The following SLC29A4 variants were observed in gnomAD, a reference collection of about 807,000 sequenced individuals.
SLC29A4 encodes equilibrative nucleoside transporter 4.
In SLC29A4, 36 loss-of-function variants were observed where a neutral mutation model predicts 43.9. The observed-to-expected ratio is 0.82, with a 90% CI of 0.63 to 1.08. The LOEUF (loss-of-function observed/expected upper bound fraction) is 1.08, where lower values mean the gene tolerates loss of function less well. Ranked by LOEUF, SLC29A4 falls within the 50% of genes least tolerant of loss-of-function variation. SLC29A4 has a pLI of 0.00. For synonymous variants in SLC29A4, 491 were observed against 338.0 expected (o/e 1.45, Z -4.97); for missense variants, 869 against 755.3 (o/e 1.15, Z -1.77).
At chr7:5,299,791 C>T (rs1449010203) in intron 9 of SLC29A4, among the ~76,000 whole-genome samples, 1 of 152,256 alleles carries the variant, frequency 6.6e-6, no homozygotes. Context: ...TGGCTTATGC[C>T]TGTAATCCTA....
At chr7:5,301,870 T>G (rs1209750130) in intron 10 of SLC29A4, among the ~76,000 whole-genome samples, 1 of 152,032 alleles carries the variant, frequency 6.6e-6, no homozygotes, top group African/African-American at 2.4e-5. Flanking sequence ...TGGGGTTGGG[T>G]TTGGGACTTG....
intron 8 of SLC29A4, 45 bp from the exon 9 acceptor site, chr7:5,299,195 G>C (rs778543534): frequency 1.3e-6 from 2 of 1,598,572 alleles, no homozygotes; most frequent in East Asian, 4.5e-5. Flanking sequence ...GGCAGGCAGG[G>C]GTCCCCGTGG....
At position 5,284,387 on chromosome 7, in the gene SLC29A4, C is replaced by A. The variant is rs1294064837; in HGVS notation, c.-9+1305C>A. Among the ~76,000 whole-genome samples, 3 of 152,184 alleles carry A rather than the reference C, an allele frequency of 2.0e-5. No individual in the cohort carries two copies. The East Asian group carries it at 5.8e-4, about 29-fold the overall frequency. On this transcript the variant is annotated intron_variant, in intron 1 of 10. Transcript: ENST00000396872. ...AGTCCCTGTTTGTGACGTACTCTCACCCTCTTCTTCCTCTACTGAGTTGTG... is the reference window on the plus strand; with the variant it reads ...AGTCCCTGTTTGTGACGTACTCTCAACCTCTTCTTCCTCTACTGAGTTGTG...
In SLC29A4 at chr7:5,299,060, G is replaced by A. The variant is rs138638344; in HGVS notation, c.955G>A (p.Gly319Ser). ...DSPAHEVTGS[G>S]GAYMRFDVPR... ...CCCAGCCCACGAGGTGACCGGCAGC[G>A]GCGGGGCCTACATGCGCTTTGATGT... The change falls in exon 8 of 11, where the codon GGC (glycine) becomes AGC (serine). Residue 319 changes from glycine to serine, a missense_variant. Coordinates refer to ENST00000396872, the MANE Select transcript of SLC29A4 (RefSeq NM_153247.4). 1,157 of 1,611,410 alleles carry A rather than the reference G, an allele frequency of 7.2e-4. 1 individual carries two copies. The highest frequency in any genetic ancestry group is 2.7e-3 in the Middle Eastern group (16 of 5,986).
intron 7 of SLC29A4, among the ~76,000 whole-genome samples, chr7:5,298,269 A>G (rs1323193166): frequency 6.6e-6 from 1 of 152,140 alleles, no homozygotes; most frequent in South Asian, 2.1e-4. Context: ...CGTCCCTCTC[A>G]TGGTCAGGGA....
At chr7:5,291,389 C>T (rs541145747) in intron 4 of SLC29A4, 152 bp downstream of exon 4, 22 of 811,854 alleles carry the variant, frequency 2.7e-5, no homozygotes, top group East Asian at 1.9e-4. Context: ...TGTAAGACAC[C>T]GTGGTGGGGC....
intron 10 of SLC29A4, among the ~76,000 whole-genome samples, chr7:5,302,413 C>T (rs1583685959): frequency 6.6e-6 from 1 of 152,192 alleles, no homozygotes; most frequent in Non-Finnish European, 1.5e-5. Flanking sequence ...CACGGTGGTG[C>T]ATGCCTGTGG....
intron 6 of SLC29A4, 131 bp from the exon 7 acceptor site, chr7:5,296,805 G>C: frequency 9.4e-7 from 1 of 1,058,350 alleles, no homozygotes; most frequent in East Asian, 3.0e-5. Context: ...GGGCCTGTGG[G>C]TGGGGGCAGG....
At chr7:5,294,127 G>A (rs1355464157) in intron 5 of SLC29A4, among the ~76,000 whole-genome samples, 1 of 151,696 alleles carries the variant, frequency 6.6e-6, no homozygotes, top group Non-Finnish European at 1.5e-5. Flanking sequence ...AAATTGTAAA[G>A]ACAAGATCTC....
At chr7:5,295,643 C>G (rs1785598914) in intron 6 of SLC29A4, among the ~76,000 whole-genome samples, 1 of 152,194 alleles carries the variant, frequency 6.6e-6, no homozygotes. Context: ...GGGGTCAGTG[C>G]TGCCCAGGCA....
Position 5,297,094 on chromosome 7 carries a change from T to A in SLC29A4, c.778T>A (p.Phe260Ile). The change falls in exon 7 of 11, where the codon TTC (phenylalanine) becomes ATC (isoleucine). Residue 260 changes from phenylalanine to isoleucine, a missense_variant. Coordinates refer to ENST00000396872, the MANE Select transcript of SLC29A4 (RefSeq NM_153247.4). The stretch of plus-strand genomic sequence containing the variant: ...AGTGCGGCGCAGCCGCTTCGTGCTC[T>A]TCTATACCACACGGCCGCGTGACAG... ...LLVRRSRFVL[F>I]YTTRPRDSHR... is the part of the protein sequence containing the mutation. 7.5e-6 allele frequency: 12 copies of A among 1,607,932 alleles called. No homozygotes were observed. Among genetic ancestry groups the A allele is most frequent in the Non-Finnish European group, 1.0e-5 (12 of 1,179,758 alleles).
At chr7:5,295,009 C>G (rs1785556933) in intron 6 of SLC29A4, 75 bp downstream of exon 6, 3 of 1,287,696 alleles carry the variant, frequency 2.3e-6, no homozygotes, top group Non-Finnish European at 3.2e-6. Flanking sequence ...CCAGGGACTC[C>G]CCATGATGCT....
At chr7:5,288,614 T>C (rs1785111582) in intron 2 of SLC29A4, among the ~76,000 whole-genome samples, 1 of 151,978 alleles carries the variant, frequency 6.6e-6, no homozygotes, top group African/African-American at 2.4e-5. Flanking sequence ...AGCTTCTATC[T>C]GGAGTGACAC....
intron 10 of SLC29A4, among the ~76,000 whole-genome samples, chr7:5,301,335 A>T (rs180732605): frequency 3.3e-5 from 5 of 152,054 alleles, no homozygotes; most frequent in Admixed American, 3.3e-4. Context: ...AAAATAAAGC[A>T]GAGAAACAGG....
intron 4 of SLC29A4, 35 bp from the exon 5 acceptor site, chr7:5,291,658 T>C (rs756173782): frequency 1.3e-6 from 2 of 1,555,392 alleles, no homozygotes; most frequent in Admixed American, 3.6e-5. Flanking sequence ...CCCAGTTGGC[T>C]CCACCACTCC....
chr7:5,287,316 G>A (rs1218187414), intron 1 of SLC29A4, among the ~76,000 whole-genome samples: 3 of 151,970 alleles, frequency 2.0e-5, no homozygotes, highest in Admixed American at 6.6e-5. Context: ...TACTTGGGAG[G>A]CTGAATCAGG....
In SLC29A4 at chr7:5,294,865, C is replaced by T; in HGVS notation, c.550C>T (p.Gln184Ter). 1 of 1,612,332 alleles carries T rather than the reference C, an allele frequency of 6.2e-7. No individual in the cohort carries two copies. The highest frequency in any genetic ancestry group is 8.5e-7 in the Non-Finnish European group (1 of 1,179,716). Reference protein sequence around the residue: ...GTVAFGCTVQQSSFYGYTGML... With the variant: ...GTVAFGCTVQ ...TCCTCTCTCTCTCTCTTAAGTGCAG[C>T]AATCCAGCTTCTACGGGTACACGGG... Residue 184 changes from glutamine to a stop codon, truncating the protein, a stop_gained, in exon 6 of 11, where the codon CAA becomes TAA. Coordinates refer to ENST00000396872, the MANE Select transcript of SLC29A4 (RefSeq NM_153247.4). LOFTEE classifies it high-confidence loss of function.
intron 2 of SLC29A4, among the ~76,000 whole-genome samples, chr7:5,288,199 C>T (rs1381589698): frequency 6.6e-6 from 1 of 152,048 alleles, no homozygotes; most frequent in African/African-American, 2.4e-5. Context: ...GGGGGCCCTG[C>T]CGACAGCCCC....
intron 9 of SLC29A4, among the ~76,000 whole-genome samples, 193 bp downstream of exon 9, chr7:5,299,620 C>T (rs533101224): frequency 5.9e-5 from 9 of 152,334 alleles, no homozygotes; most frequent in South Asian, 4.1e-4. Flanking sequence ...CCCACTGGGG[C>T]GCTCCGGAGT....
Sources: gnomAD v4.1 joint callset for allele counts (sites outside exome capture counted in the v4.1 genomes callset) on GRCh38, gnomAD v4.1.1 for gene constraint, MANE v1.5 for transcripts, NCBI Gene and HGNC (gene_info 2026-07-23, HGNC 2026-07-21) for gene names.